Variants in SHC1 observed in about 807,000 individuals in gnomAD.
SHC1 encodes the protein SHC adaptor protein 1.
SHC1 carries 30 observed loss-of-function variants against 55.9 expected under a neutral mutation model. The ratio of observed to expected loss-of-function variants is 0.54; its 90% CI spans 0.40 to 0.73. The LOEUF (loss-of-function observed/expected upper bound fraction) is 0.73. Among genes scored for constraint, SHC1 ranks in the 30% least tolerant of loss-of-function variants. The pLI is 0.00. For synonymous variants in SHC1, 309 were observed against 306.1 expected (o/e 1.01, Z -0.10); for missense variants, 675 against 777.1 (o/e 0.87, Z 1.56).
chr1:154,967,905 G>A (rs1656214785), intron 6 of SHC1, 75 bp downstream of exon 6: 1 of 1,604,954 alleles, frequency 6.2e-7, no homozygotes, highest in Non-Finnish European at 8.5e-7. Flanking sequence ...TACTTAGAGT[G>A]GGTACAGATG....
rs1389444459 is a variant in SHC1 at position 154,970,518 on chromosome 1, G to A, written c.9C>T (p.Leu3=). 4 of 1,605,768 alleles carry A rather than the reference G, an allele frequency of 2.5e-6. No individual in the cohort carries two copies. The African/African-American group carries it at 5.4e-5, about 22-fold the overall frequency. Residue 3 remains leucine (L), a synonymous_variant, in exon 1 of 12, where the codon CTC becomes CTT. Transcript: ENST00000448116. This position sits in a 1 kb window ranked among gnomAD's most constrained non-coding sequence, Gnocchi z 5.5. MD[L]LPPKPKYNPL... ...GATTGTACTTGGGCTTGGGGGGCAGGAGATCCATAGTTGAGGTGAAAGAGG... is the reference window on the plus strand; with the variant it reads ...GATTGTACTTGGGCTTGGGGGGCAGAAGATCCATAGTTGAGGTGAAAGAGG...
intron 11 of SHC1, chr1:154,964,249 G>T (rs1458147706): frequency 2.0e-6 from 1 of 488,390 alleles, no homozygotes; most frequent in Non-Finnish European, 4.2e-6. Context: ...AAAAAAAGAT[G>T]TGGAGGCTGG....
intron 11 of SHC1, chr1:154,964,458 A>C: frequency 5.6e-6 from 2 of 357,312 alleles, no homozygotes; most frequent in South Asian, 4.3e-5. Context: ...AAAAAAAAGA[A>C]AGGAAGCTGA....
intron 11 of SHC1, 130 bp downstream of exon 11, chr1:154,965,413 G>A (rs1655820417): frequency 6.2e-7 from 1 of 1,611,184 alleles, no homozygotes; most frequent in Non-Finnish European, 8.5e-7. Context: ...ACTTTAAAGA[G>A]CAAGAGAGGC....
chr1:154,971,401 G>A (rs1656734226), upstream of SHC1, among the ~76,000 whole-genome samples: 1 of 152,228 alleles, frequency 6.6e-6, no homozygotes, highest in Admixed American at 6.5e-5. Context: ...GTTCAACCTG[G>A]ATGATACATC....
At chr1:154,967,879 A>T in intron 6 of SHC1, 82 bp from the exon 7 acceptor site, 1 of 1,602,742 alleles carries the variant, frequency 6.2e-7, no homozygotes, top group Non-Finnish European at 8.5e-7. Flanking sequence ...CCTCTGCAGG[A>T]ACCCCCACTG....
At chr1:154,965,810 A>G in intron 10 of SHC1, 29 bp from the exon 11 acceptor site, 1 of 1,593,916 alleles carries the variant, frequency 6.3e-7, no homozygotes, top group Non-Finnish European at 8.6e-7. Flanking sequence ...GGTGAGGGGA[A>G]GTAGCAGGCA....
rs112098559 is a variant in SHC1 at position 154,965,404 on chromosome 1, CT to C, written c.1626+138del. 1.4e-4 allele frequency: 221 copies of C among 1,610,474 alleles called. No individual in the cohort carries two copies. In the African/African-American group the frequency reaches 2.5e-3, roughly 19 times the overall value. On this transcript the variant is annotated intron_variant, in intron 11 of 11. Transcript: ENST00000448116. ...AGCCTCTGGAGGAAGATGCCAGACA[CT>C]TTAAAGAGCAAGAGAGGCCCATAGA...
intron 7 of SHC1, among the ~76,000 whole-genome samples, 160 bp from the exon 8 acceptor site, chr1:154,966,677 G>A (rs536009598): frequency 1.3e-5 from 2 of 152,318 alleles, no homozygotes; most frequent in South Asian, 4.1e-4. Context: ...TGGCAACCCC[G>A]TAAGGTAGGT....
chr1:154,968,868 G>C (rs765567532), intron 2 of SHC1, 34 bp from the exon 3 acceptor site: 5 of 1,593,144 alleles, frequency 3.1e-6, no homozygotes, highest in African/African-American at 2.7e-5. Context: ...CCCAGCGCCT[G>C]CCTGCCTGCC....
At position 154,968,787 on chromosome 1, in the gene SHC1, G is replaced by A. The variant is rs8191981; in HGVS notation, c.614C>T (p.Ala205Val). 1.6e-3 allele frequency: 2,511 copies of A among 1,612,626 alleles called. 67 individuals carry two copies. In the East Asian group the frequency reaches 0.049, roughly 31 times the overall value. The change falls in exon 3 of 12, where the codon GCG (alanine) becomes GTG (valine). Residue 205 changes from alanine to valine, a missense_variant. By Grantham distance (64) the Ala-to-Val change is moderately conservative. This residue lies in a region of SHC1 where 159 missense variants were observed against 246.9 expected (regional missense o/e 0.64). Transcript: ENST00000448116. ...CCCAAGTACCTTTCTCCTCCTTGTCGCCCCCTTAGCACCCGGCACAGCCTC... is the reference window on the plus strand; with the variant it reads ...CCCAAGTACCTTTCTCCTCCTTGTCACCCCCTTAGCACCCGGCACAGCCTC... ...VCEAVPGAKG[A>V]TRRRKPCSRP... is the part of the protein sequence containing the mutation.
chr1:154,968,208 T>A lies in SHC1; in HGVS notation c.800A>T (p.Asp267Val). The change falls in exon 5 of 12, where the codon GAT becomes GTT. Residue 267 changes from aspartate (D) to valine (V), a missense_variant. This residue lies in a region of SHC1 where 159 missense variants were observed against 246.9 expected (regional missense o/e 0.64). Coordinates refer to ENST00000448116, the MANE Select transcript of SHC1 (RefSeq NM_001130040.2). ...TTGCTCTGTTCCCCAACTCACCGGA[T>A]CCCCGCCGGATGCAAATGAGATAGA... ...MQSISFASGGDPDTAEYVAYV... is the reference protein window; with the variant it reads ...MQSISFASGGVPDTAEYVAYV... The A allele has an allele frequency of 6.2e-7, 1 of 1,613,914 alleles. No individual in the cohort carries two copies. Among genetic ancestry groups the A allele is most frequent in the Non-Finnish European group, 8.5e-7 (1 of 1,179,942 alleles).
intron 7 of SHC1, among the ~76,000 whole-genome samples, chr1:154,966,766 A>G (rs1351376717): frequency 6.6e-6 from 1 of 152,196 alleles, no homozygotes; most frequent in Non-Finnish European, 1.5e-5. Context: ...CTCACAACTA[A>G]AAGGCGGCCG....
At position 154,963,580 on chromosome 1, in the gene SHC1, C is replaced by T. The variant is rs1024113042; in HGVS notation, c.*223G>A. 1.9e-6 allele frequency: 1 copy of T among 519,616 alleles called. No homozygotes were observed. Among genetic ancestry groups the T allele is most frequent in the South Asian group, 2.2e-5 (1 of 45,558 alleles). The allele number at this position is 519,616 out of a possible 1,614,324, so 32.2% of individuals were successfully genotyped here. ...GGCCCAGGTGAGGGGCCACTCTGTA[C>T]ATTAATACTTTGGTGATTAATGTTT... On this transcript the variant is annotated 3_prime_UTR_variant, in exon 12 of 12. Transcript: ENST00000448116.
chr1:154,964,127 A>G, intron 11 of SHC1, 196 bp from the exon 12 acceptor site: 3 of 744,586 alleles, frequency 4.0e-6, no homozygotes, highest in Non-Finnish European at 7.5e-6. Flanking sequence ...CAGGTCAGTG[A>G]AGTGAGAAAA....
At chr1:154,969,967 A>G (rs935864875) in intron 1 of SHC1, 65 bp downstream of exon 1, 2 of 1,566,400 alleles carry the variant, frequency 1.3e-6, no homozygotes, top group Non-Finnish European at 1.8e-6. Context: ...ATTCCGGCCA[A>G]GCTGGAGTGA....
In SHC1 at chr1:154,968,499, T is replaced by C. The variant is rs757873147; in HGVS notation, c.746A>G (p.Lys249Arg). Residue 249 changes from lysine to arginine, a missense_variant, in exon 4 of 12, where the codon AAA (lysine) becomes AGA (arginine). Coordinates refer to ENST00000448116, the MANE Select transcript of SHC1 (RefSeq NM_001130040.2). ...CGTCTGCCCACCTTCACCAACCTGT[T>C]TGCAGTCTGCGGCCATGAGGTTGAG... is the stretch of plus-strand genomic sequence containing the variant. ...SSLNLMAADC[K>R]QIIANHHMQS... 135 of 1,613,972 alleles carry C rather than the reference T, an allele frequency of 8.4e-5. 2 individuals carry two copies. In the East Asian group the frequency reaches 2.2e-3, roughly 27 times the overall value.
rs1417854923 is a variant in SHC1, at chr1:154,967,816, C to A, written c.857-19G>T. 6 of 1,613,294 alleles carry A rather than the reference C, an allele frequency of 3.7e-6. No homozygotes were observed. Among genetic ancestry groups the A allele is most frequent in the Non-Finnish European group, 4.2e-6 (5 of 1,179,406 alleles). ...TGGCAGGCTGAGGGCACAGCAGAGG[C>A]TGTCAGTGAGCTGAGCCCACTGGGA... is the stretch of plus-strand genomic sequence containing the variant. On this transcript the variant is annotated intron_variant, in intron 6 of 11. Coordinates refer to ENST00000448116, the MANE Select transcript of SHC1 (RefSeq NM_001130040.2).
chr1:154,964,393 T>TA (rs2102027837), intron 11 of SHC1: 1 of 401,562 alleles, frequency 2.5e-6, no homozygotes, highest in African/African-American at 2.1e-5. Context: ...ATACAAAAAT[T>TA]AGCCAGGTGT....
Sources: gnomAD v4.1 joint callset for allele counts (sites outside exome capture counted in the v4.1 genomes callset) on GRCh38, gnomAD v4.1.1 for gene constraint, gnomAD v4.1.1 regional missense constraint, Gnocchi (gnomAD v3.1) non-coding constraint, MANE v1.5 for transcripts, NCBI Gene and HGNC (gene_info 2026-07-23, HGNC 2026-07-21) for gene names.